CUX2: variants seen among roughly 807,000 people sequenced by gnomAD.
CUX2 encodes the protein homeobox protein cut-like 2.
A neutral mutation model predicts 144.8 loss-of-function variants in CUX2; 40 were observed. That is an observed-to-expected ratio of 0.28 (90% CI 0.21 to 0.36). The LOEUF is 0.36. Ranked by LOEUF, CUX2 falls within the 10% of genes least tolerant of loss-of-function variation. The pLI is 1.00. For synonymous variants in CUX2, 827 were observed against 875.6 expected, an observed-to-expected ratio of 0.94 and a Z score of 0.98; for missense variants, 1,615 against 1,994.0, an observed-to-expected ratio of 0.81 and a Z score of 3.62.
intron 1 of CUX2, among the ~76,000 whole-genome samples, chr12:111,107,578 A>G (rs1873686475): frequency 6.6e-6 from 1 of 152,214 alleles, no homozygotes; most frequent in Non-Finnish European, 1.5e-5. Flanking sequence ...AGTTGGGAGT[A>G]TTGGGACATG....
At chr12:111,136,197 T>G (rs1383862742) in intron 1 of CUX2, among the ~76,000 whole-genome samples, 1 of 149,560 alleles carries the variant, frequency 6.7e-6, no homozygotes, top group African/African-American at 2.5e-5. Context: ...TTCCTGCACG[T>G]GATGAGGGTG....
intron 1 of CUX2, among the ~76,000 whole-genome samples, chr12:111,043,548 C>T (rs1052054695): frequency 7.9e-5 from 12 of 152,166 alleles, no homozygotes; most frequent in African/African-American, 2.7e-4. Context: ...TGCGGTGGCT[C>T]ATGCCTGTAA....
chr12:111,348,563 T>C lies in CUX2; in HGVS notation c.*238T>C. The C allele has an allele frequency of 2.2e-6, 1 of 464,658 alleles. No individual in the cohort carries two copies. Among genetic ancestry groups the C allele is most frequent in the Non-Finnish European group, 3.8e-6 (1 of 264,694 alleles). 28.8% of individuals were successfully genotyped at this position (464,658 alleles called of 1,614,324 possible). Reference sequence around the variant, plus strand: ...CCCTGCTCCTCTTCACCCTGACCCCTCTGCAGGAGGCAGAAGCAAAATGGC... The same window carrying C: ...CCCTGCTCCTCTTCACCCTGACCCCCCTGCAGGAGGCAGAAGCAAAATGGC... On this transcript the variant is annotated 3_prime_UTR_variant, in exon 22 of 22. Transcript: ENST00000261726.
rs1468125229 is a variant in CUX2, at chr12:111,345,273, C to A, written c.3660-2251C>A. The stretch of plus-strand genomic sequence containing the variant: ...GACCATCCTGGCCAACGTGGTGAAA[C>A]CCTGTCTCTACTAAAAATACAAAAA... On this transcript the variant is annotated intron_variant, in intron 21 of 21. Transcript: ENST00000261726. Among the ~76,000 whole-genome samples, 4 of 136,292 alleles carry A rather than the reference C, an allele frequency of 2.9e-5. No individual in the cohort carries two copies. The South Asian group carries it at 9.7e-4, about 33-fold the overall frequency. 89.4% of individuals were successfully genotyped at this position (136,292 alleles called of 152,430 possible).
intron 1 of CUX2, among the ~76,000 whole-genome samples, chr12:111,082,247 T>C (rs1470777853): frequency 2.6e-5 from 4 of 152,152 alleles, no homozygotes; most frequent in African/African-American, 9.7e-5. Context: ...TTCAGGCTTC[T>C]TCATCCAGCA....
At chr12:111,161,328 T>C (rs1592952604) in intron 1 of CUX2, among the ~76,000 whole-genome samples, 1 of 152,040 alleles carries the variant, frequency 6.6e-6, no homozygotes, top group South Asian at 2.1e-4. Context: ...GATCATGAGG[T>C]TGGTTCCCCC....
intron 2 of CUX2, among the ~76,000 whole-genome samples, chr12:111,215,150 A>G (rs1350495364): frequency 6.6e-6 from 1 of 152,174 alleles, no homozygotes; most frequent in Non-Finnish European, 1.5e-5. Flanking sequence ...GAAGGTTAAC[A>G]TCTGTCCTTA....
At chr12:111,200,789 T>G (rs1222999758) in intron 1 of CUX2, among the ~76,000 whole-genome samples, 1 of 152,172 alleles carries the variant, frequency 6.6e-6, no homozygotes, top group Non-Finnish European at 1.5e-5. Flanking sequence ...TCTCATTCTC[T>G]CTTCCTCCTT....
At chr12:111,212,415 GTCTC>G (rs1881284842) in intron 1 of CUX2, among the ~76,000 whole-genome samples, 1 of 152,324 alleles carries the variant, frequency 6.6e-6, no homozygotes, top group South Asian at 2.1e-4. Flanking sequence ...TAGAGACAGG[GTCTC>G]TCTCTGTCAC....
At chr12:111,180,463 G>A (rs1026691119) in intron 1 of CUX2, among the ~76,000 whole-genome samples, 6 of 152,136 alleles carry the variant, frequency 3.9e-5, no homozygotes, top group South Asian at 2.1e-4. Flanking sequence ...TCCTTCAGCC[G>A]CCAGCTGTCC....
chr12:111,110,884 A>G (rs1393762549), intron 1 of CUX2, among the ~76,000 whole-genome samples: 2 of 152,182 alleles, frequency 1.3e-5, no homozygotes, highest in African/African-American at 4.8e-5. Flanking sequence ...TTCATCCCCA[A>G]GTCCCTCTTG....
At chr12:111,280,462 C>G (rs561525757) in intron 4 of CUX2, among the ~76,000 whole-genome samples, 78 of 152,250 alleles carry the variant, frequency 5.1e-4, no homozygotes, top group Non-Finnish European at 9.7e-4. Flanking sequence ...GCCCTACTGA[C>G]ACCTGGATTT....
intron 1 of CUX2, among the ~76,000 whole-genome samples, chr12:111,056,967 G>A (rs141798375): frequency 9.7e-4 from 147 of 152,146 alleles, no homozygotes; most frequent in Non-Finnish European, 1.8e-3. Flanking sequence ...GGTGTGACAG[G>A]AGGATGTGTG....
chr12:111,101,643 G>A (rs1200833137), intron 1 of CUX2, among the ~76,000 whole-genome samples: 1 of 152,186 alleles, frequency 6.6e-6, no homozygotes, highest in Non-Finnish European at 1.5e-5. Context: ...ATGCATATCT[G>A]GAGCCTGGCT....
rs1214981477 is a variant in CUX2 at position 111,160,375 on chromosome 12, G to T, written c.64-53825G>T. 1.3e-5 allele frequency among the ~76,000 whole-genome samples: 2 copies of T among 152,118 alleles called. No homozygotes were observed. Among genetic ancestry groups the T allele is most frequent in the African/African-American group, 4.8e-5 (2 of 41,422 alleles). On this transcript the variant is annotated intron_variant, in intron 1 of 21. Transcript: ENST00000261726. This position sits in a 1 kb window ranked among gnomAD's most constrained non-coding sequence, Gnocchi z 4.1. ...TGCGTGTCAGAGTGTGTATGGGCAAGCATGTGTGTGCGGGCATCTGGGCGT... is the reference window on the plus strand; with the variant it reads ...TGCGTGTCAGAGTGTGTATGGGCAATCATGTGTGTGCGGGCATCTGGGCGT...
chr12:111,230,404 A>T (rs924442396), intron 3 of CUX2, among the ~76,000 whole-genome samples: 2 of 152,100 alleles, frequency 1.3e-5, no homozygotes, highest in Non-Finnish European at 2.9e-5. Context: ...CATCACCTGG[A>T]AGTACCTTAG....
intron 1 of CUX2, among the ~76,000 whole-genome samples, chr12:111,086,152 CAGTGAGAA>C (rs557129169): frequency 9.9e-5 from 15 of 152,232 alleles, no homozygotes; most frequent in Non-Finnish European, 2.2e-4. Flanking sequence ...ACCAACCTGT[CAGTGAGAA>C]AGAGCATTCT....
At chr12:111,337,061 G>A (rs1193779794) in intron 19 of CUX2, among the ~76,000 whole-genome samples, 1 of 152,044 alleles carries the variant, frequency 6.6e-6, no homozygotes, top group Non-Finnish European at 1.5e-5. Context: ...TATAGTCCCA[G>A]CCACTCGGGA....
chr12:111,162,673 C>CA (rs554428811), intron 1 of CUX2, among the ~76,000 whole-genome samples: 4 of 152,196 alleles, frequency 2.6e-5, no homozygotes, highest in Non-Finnish European at 5.9e-5. Context: ...ATTGGAAACT[C>CA]ACACCCTAAT....
Sources: allele counts gnomAD v4.1 joint callset (sites outside exome capture counted in the v4.1 genomes callset), GRCh38; gene constraint gnomAD v4.1.1; non-coding constraint Gnocchi (gnomAD v3.1); transcripts MANE v1.5; gene names NCBI Gene and HGNC (gene_info 2026-07-23, HGNC 2026-07-21).